TREML2: variants seen among roughly 807,000 people sequenced by gnomAD.
TREML2 encodes triggering receptor expressed on myeloid cells like 2.
In TREML2, 24 loss-of-function variants were observed where a neutral mutation model predicts 25.9. The ratio of observed to expected loss-of-function variants is 0.93; its 90% CI spans 0.67 to 1.30. TREML2 has a LOEUF of 1.30. Ranked by LOEUF, TREML2 falls within the 50% of genes most tolerant of loss-of-function variation. The pLI is 0.00. For missense variants in TREML2, 359 were observed against 395.6 expected (o/e 0.91, Z 0.78); for synonymous variants, 139 against 155.2 (o/e 0.90, Z 0.77).
chr6:41,200,894 C>G, intron 1 of TREML2, 60 bp downstream of exon 1: 1 of 1,410,414 alleles, frequency 7.1e-7, no homozygotes, highest in Non-Finnish European at 9.4e-7. Context: ...AGAAAAAGGC[C>G]CTGAGCTCCT....
intron 1 of TREML2, among the ~76,000 whole-genome samples, chr6:41,199,576 A>C (rs995673613): frequency 6.6e-6 from 1 of 152,234 alleles, no homozygotes; most frequent in African/African-American, 2.4e-5. Flanking sequence ...TGGTAGAGAC[A>C]GAGCAGAACT....
intron 1 of TREML2, among the ~76,000 whole-genome samples, chr6:41,199,133 A>G (rs1766232363): frequency 6.6e-6 from 1 of 152,192 alleles, no homozygotes; most frequent in Admixed American, 6.5e-5. Context: ...AAGTGCTGGG[A>G]TTGCAGGCGT....
Position 41,191,356 on chromosome 6 carries a change from G to C in TREML2, c.*1071C>G, listed in dbSNP as rs530515780. 3 of 152,378 alleles carry C rather than the reference G, an allele frequency of 2.0e-5. No homozygotes were observed. The highest frequency in any genetic ancestry group is 4.8e-5 in the African/African-American group (2 of 41,420). 9.4% of individuals were successfully genotyped at this position (152,378 alleles called of 1,614,324 possible). A position where few individuals can be genotyped will look rare whatever the true frequency, so the allele number is the denominator to read the frequency against. Reference sequence around the variant, plus strand: ...CCTCGGGACATTGGGTCCCTGGCCAGAGGCTACTTGGGCTCCATTTTCCCT... The same window carrying C: ...CCTCGGGACATTGGGTCCCTGGCCACAGGCTACTTGGGCTCCATTTTCCCT... On this transcript the variant is annotated 3_prime_UTR_variant, in exon 5 of 5. Coordinates refer to ENST00000483722, the MANE Select transcript of TREML2 (RefSeq NM_024807.4).
rs766056245 is a variant in TREML2, at chr6:41,201,124, G to C, written c.-116C>G. 8.3e-7 allele frequency: 1 copy of C among 1,205,690 alleles called. No homozygotes were observed. The allele number at this position is 1,205,690 out of a possible 1,614,324, so 74.7% of individuals were successfully genotyped here. A position where few individuals can be genotyped will look rare whatever the true frequency, so the allele number is the denominator to read the frequency against. ...GACCCGGGGTTCTAAAAGTGAAGCT[G>C]CCCATTTAGGGAAGTGAGGCAGTGT... On this transcript the variant is annotated 5_prime_UTR_variant, in exon 1 of 5. Transcript: ENST00000483722.
In TREML2 at chr6:41,201,138, G is replaced by A. The variant is rs1766267929; in HGVS notation, c.-130C>T. 3.8e-6 allele frequency: 4 copies of A among 1,052,054 alleles called. No homozygotes were observed. The highest frequency in any genetic ancestry group is 4.5e-6 in the Non-Finnish European group (3 of 669,564). 65.2% of individuals were successfully genotyped at this position (1,052,054 alleles called of 1,614,324 possible). A position where few individuals can be genotyped will look rare whatever the true frequency, so the allele number is the denominator to read the frequency against. ...AAAGTGAAGCTGCCCATTTAGGGAA[G>A]TGAGGCAGTGTGGGACCCACTGCCC... On this transcript the variant is annotated 5_prime_UTR_variant, in exon 1 of 5. Coordinates refer to ENST00000483722, the MANE Select transcript of TREML2 (RefSeq NM_024807.4).
At chr6:41,199,767 G>T (rs1167478626) in intron 1 of TREML2, among the ~76,000 whole-genome samples, 1 of 152,194 alleles carries the variant, frequency 6.6e-6, no homozygotes, top group South Asian at 2.1e-4. Flanking sequence ...ACACATTTTG[G>T]AGTCAAAATA....
At chr6:41,197,134 A>G (rs55932325) in intron 2 of TREML2, among the ~76,000 whole-genome samples, 22,983 of 152,114 alleles carry the variant, frequency 0.15, 5,657 homozygotes, top group African/African-American at 0.51. Context: ...GCCCATTCAC[A>G]TCTCTCTGCC....
chr6:41,198,442 T>A lies in TREML2; in HGVS notation c.56-13A>T. ...TCAGCAGAGGGGCCTGTGGAGACAA[T>A]ACTTATTGAATAAGGTCTGGCAAGA... On this transcript the variant is annotated splice_polypyrimidine_tract_variant and intron_variant, in intron 1 of 4. Coordinates refer to ENST00000483722, the MANE Select transcript of TREML2 (RefSeq NM_024807.4). 1 of 1,596,046 alleles carries A rather than the reference T, an allele frequency of 6.3e-7. No individual in the cohort carries two copies. The highest frequency in any genetic ancestry group is 2.2e-5 in the East Asian group (1 of 44,590).
chr6:41,190,905 C>A lies in TREML2; in HGVS notation c.*1522G>T, dbSNP rs1210497897. The A allele has an allele frequency of 6.6e-6, 1 of 151,570 alleles. No individual in the cohort carries two copies. Among genetic ancestry groups the A allele is most frequent in the Non-Finnish European group, 1.5e-5 (1 of 68,062 alleles). The allele number at this position is 151,570 out of a possible 1,614,324, so 9.4% of individuals were successfully genotyped here. ...TGTCTGTCTGTCCTGGGTCCAGAGC[C>A]GTCAATTCTTCAGCCTCAGTCTTCC... On this transcript the variant is annotated 3_prime_UTR_variant, in exon 5 of 5. Transcript: ENST00000483722.
At position 41,191,595 on chromosome 6, in the gene TREML2, G is replaced by C. The variant is rs1172912814; in HGVS notation, c.*832C>G. 1 of 152,262 alleles carries C rather than the reference G, an allele frequency of 6.6e-6. No individual in the cohort carries two copies. The highest frequency in any genetic ancestry group is 2.4e-5 in the African/African-American group (1 of 41,430). The allele number at this position is 152,262 out of a possible 1,614,324, so 9.4% of individuals were successfully genotyped here. On this transcript the variant is annotated 3_prime_UTR_variant, in exon 5 of 5. Coordinates refer to ENST00000483722, the MANE Select transcript of TREML2 (RefSeq NM_024807.4). ...GCCACCCCAGGGTATGGACTTCCTGGAGGCTGCTGGGTCCCCTGTGGGAAC... is the reference window on the plus strand; with the variant it reads ...GCCACCCCAGGGTATGGACTTCCTGCAGGCTGCTGGGTCCCCTGTGGGAAC...
chr6:41,198,191 C>G lies in TREML2; in HGVS notation c.294G>C (p.Gln98His), dbSNP rs151282613. 1 of 1,614,230 alleles carries G rather than the reference C, an allele frequency of 6.2e-7. No homozygotes were observed. Among genetic ancestry groups the G allele is most frequent in the Non-Finnish European group, 8.5e-7 (1 of 1,180,038 alleles). The change falls in exon 2 of 5, where the codon CAG (glutamine) becomes CAC (histidine). Residue 98 changes from glutamine to histidine, a missense_variant. Coordinates refer to ENST00000483722, the MANE Select transcript of TREML2 (RefSeq NM_024807.4). Reference protein sequence around the residue: ...VNITMVALKLQDSGRYWCMRN... With the variant: ...VNITMVALKLHDSGRYWCMRN... ...GCATGCACCAGTATCGGCCTGAGTC[C>G]TGGAGCTTGAGGGCCACCATGGTGA...
Position 41,198,258 on chromosome 6 carries a change from C to A in TREML2, c.227G>T (p.Arg76Leu), listed in dbSNP as rs371918667. 2.2e-5 allele frequency: 35 copies of A among 1,614,190 alleles called. No homozygotes were observed. In the East Asian group the frequency reaches 7.4e-4, roughly 34 times the overall value. ...CTGGGCATCGTCCTGCAGCAAGTAG[C>A]GGGGCCCTTTCACCCAGACTCGGGC... Reference protein sequence around the residue: ...GFARVWVKGPRYLLQDDAQAK... With the variant: ...GFARVWVKGPLYLLQDDAQAK... The change falls in exon 2 of 5, where the codon CGC (arginine) becomes CTC (leucine). Residue 76 changes from arginine to leucine, a missense_variant. By Grantham distance (102) the Arg-to-Leu change is moderately radical. Coordinates refer to ENST00000483722, the MANE Select transcript of TREML2 (RefSeq NM_024807.4).
At chr6:41,197,253 A>G (rs1766183532) in intron 2 of TREML2, among the ~76,000 whole-genome samples, 1 of 152,190 alleles carries the variant, frequency 6.6e-6, no homozygotes, top group South Asian at 2.1e-4. Flanking sequence ...ACAAGTGGCC[A>G]CTACATTCTT....
In TREML2 at chr6:41,201,056, G is replaced by T; in HGVS notation, c.-48C>A. The T allele has an allele frequency of 6.2e-7, 1 of 1,606,548 alleles. No individual in the cohort carries two copies. Among genetic ancestry groups the T allele is most frequent in the East Asian group, 2.2e-5 (1 of 44,758 alleles). On this transcript the variant is annotated 5_prime_UTR_variant, in exon 1 of 5. Coordinates refer to ENST00000483722, the MANE Select transcript of TREML2 (RefSeq NM_024807.4). ...TCAGGCCTGGAGATCCAAGGTGAGG[G>T]CCCACCCGACACAGGATGTGCCACC...
chr6:41,197,924 C>T (rs1228096172), intron 2 of TREML2, among the ~76,000 whole-genome samples, 185 bp downstream of exon 2: 1 of 152,214 alleles, frequency 6.6e-6, no homozygotes, highest in Non-Finnish European at 1.5e-5. Flanking sequence ...GTTTTCAGGT[C>T]TCATTATCTT....
At position 41,192,063 on chromosome 6, in the gene TREML2, A is replaced by G. The variant is rs9394766; in HGVS notation, c.*364T>C. ...CTGGTGGGGAGGGCAGCTCAGCCCA[A>G]TAGGGTTTCTGAGGCAGACGGGAGC... is the stretch of plus-strand genomic sequence containing the variant. On this transcript the variant is annotated 3_prime_UTR_variant, in exon 5 of 5. Transcript: ENST00000483722. 68,682 of 259,526 alleles carry G rather than the reference A, an allele frequency of 0.26. 10,483 individuals carry two copies. Among genetic ancestry groups the G allele is most frequent in the Admixed American group, 0.33 (7,280 of 21,848 alleles). 16.1% of individuals were successfully genotyped at this position (259,526 alleles called of 1,614,324 possible).
rs1294969079 is a variant in TREML2 at position 41,200,973 on chromosome 6, C to T, written c.36G>A (p.Trp12Ter). 2.5e-6 allele frequency: 4 copies of T among 1,583,426 alleles called. No homozygotes were observed. The highest frequency in any genetic ancestry group is 8.6e-7 in the Non-Finnish European group (1 of 1,164,826). The change falls in exon 1 of 5, where the codon TGG becomes TGA. Residue 12 changes from tryptophan to a stop codon, truncating the protein, a stop_gained. Coordinates refer to ENST00000483722, the MANE Select transcript of TREML2 (RefSeq NM_024807.4). LOFTEE classifies it high-confidence loss of function. ...CCTCACCTGAGACGCAACCCTGTGG[C>T]CACAGCAGCAGCAGCAGCAGGAAGG... ...APAFLLLLLL[W>*]PQGCVSGPSA...
chr6:41,201,064 G>C lies in TREML2; in HGVS notation c.-56C>G, dbSNP rs757695265. On this transcript the variant is annotated 5_prime_UTR_variant, in exon 1 of 5. Transcript: ENST00000483722. ...GGAGATCCAAGGTGAGGGCCCACCC[G>C]ACACAGGATGTGCCACCTGGGCCTG... 54 of 1,594,876 alleles carry C rather than the reference G, an allele frequency of 3.4e-5. 1 individual carries two copies. The highest frequency in any genetic ancestry group is 4.5e-5 in the Non-Finnish European group (52 of 1,163,288).
intron 2 of TREML2, among the ~76,000 whole-genome samples, chr6:41,197,256 A>G (rs1299380070): frequency 6.6e-6 from 1 of 152,174 alleles, no homozygotes; most frequent in Non-Finnish European, 1.5e-5. Context: ...AGTGGCCACT[A>G]CATTCTTAAA....
Sources: allele counts gnomAD v4.1 joint callset (sites outside exome capture counted in the v4.1 genomes callset), GRCh38; gene constraint gnomAD v4.1.1; transcripts MANE v1.5; gene names NCBI Gene and HGNC (gene_info 2026-07-23, HGNC 2026-07-21).